The following CNTN5 variants were observed in gnomAD, a reference collection of about 807,000 sequenced individuals.
CNTN5 encodes contactin-5.
Under a neutral mutation model 129.1 loss-of-function variants are expected in CNTN5, and 77 were observed. The ratio of observed to expected loss-of-function variants is 0.60; its 90% confidence interval spans 0.50 to 0.72. CNTN5 has a LOEUF of 0.72. Among genes scored for constraint, CNTN5 ranks in the 30% least tolerant of loss-of-function variants. The pLI is 0.00. For synonymous variants in CNTN5, 509 were observed against 465.6 expected (o/e 1.09, Z -1.20); for missense variants, 1,478 against 1,328.8 (o/e 1.11, Z -1.75).
chr11:99,213,187 T>A (rs1473854559), intron 1 of CNTN5, among the ~76,000 whole-genome samples: 1 of 137,468 alleles, frequency 7.3e-6, no homozygotes, highest in African/African-American at 2.8e-5. Context: ...TGAGACTCCA[T>A]CTCAAAAAAA....
rs1807311 is a variant in CNTN5 at position 100,338,700 on chromosome 11, G to A, written c.2731-1763G>A. Reference sequence around the variant, plus strand: ...CATGTGGGGCCCACAGCCAGAACAGGCACATGTGGATAAATGTAAGATCCT... The same window carrying A: ...CATGTGGGGCCCACAGCCAGAACAGACACATGTGGATAAATGTAAGATCCT... On this transcript the variant is annotated intron_variant, in intron 21 of 24. Coordinates refer to ENST00000524871, the MANE Select transcript of CNTN5 (RefSeq NM_014361.4). Among the ~76,000 whole-genome samples, 3 of 152,284 alleles carry A rather than the reference G, an allele frequency of 2.0e-5. No homozygotes were observed. In the South Asian group the frequency reaches 6.2e-4, roughly 32 times the overall value.
At chr11:99,915,051 T>C (rs1244092226) in intron 6 of CNTN5, among the ~76,000 whole-genome samples, 1 of 152,084 alleles carries the variant, frequency 6.6e-6, no homozygotes, top group East Asian at 1.9e-4. Context: ...TAAAAATCTA[T>C]TTTACAATTT....
At chr11:100,134,108 C>CA (rs1420327495) in intron 13 of CNTN5, among the ~76,000 whole-genome samples, 3 of 151,778 alleles carry the variant, frequency 2.0e-5, no homozygotes, top group Non-Finnish European at 2.9e-5. Flanking sequence ...AATATATCAA[C>CA]AAAAAAAGAT....
intron 6 of CNTN5, among the ~76,000 whole-genome samples, chr11:99,891,681 TG>T (rs1949063614): frequency 1.3e-5 from 2 of 152,176 alleles, no homozygotes; most frequent in South Asian, 4.1e-4. Context: ...TATGGCTGCG[TG>T]GTATTCCTTG....
intron 1 of CNTN5, among the ~76,000 whole-genome samples, chr11:99,130,050 A>G (rs1858851730): frequency 6.6e-6 from 1 of 152,326 alleles, no homozygotes; most frequent in South Asian, 2.1e-4. Context: ...AAGCAATTAC[A>G]TTAACAAGTC....
intron 1 of CNTN5, among the ~76,000 whole-genome samples, chr11:99,297,337 T>A (rs1178172563): frequency 6.6e-6 from 1 of 152,104 alleles, no homozygotes; most frequent in African/African-American, 2.4e-5. Context: ...AGCAGTCCCA[T>A]CATCTCTCAA....
rs552401758 is a variant in CNTN5 at position 100,094,069 on chromosome 11, G to T, written c.1580+19775G>T. On this transcript the variant is annotated intron_variant, in intron 13 of 24. Coordinates refer to ENST00000524871, the MANE Select transcript of CNTN5 (RefSeq NM_014361.4). ...TTTAATAATGGTGGTTAATTACATT[G>T]TTACATCTGACAATGAGAAAAGAAG... Among the ~76,000 whole-genome samples, 4 of 152,124 alleles carry T rather than the reference G, an allele frequency of 2.6e-5. No individual in the cohort carries two copies. In the South Asian group the frequency reaches 8.3e-4, roughly 32 times the overall value.
chr11:100,145,027 G>T (rs1470402271), intron 13 of CNTN5, among the ~76,000 whole-genome samples: 1 of 125,292 alleles, frequency 8.0e-6, no homozygotes, highest in African/African-American at 2.5e-5. Flanking sequence ...TTTCCATTGG[G>T]GTCATATCTT....
intron 2 of CNTN5, among the ~76,000 whole-genome samples, chr11:99,501,601 C>CA (rs1191138841): frequency 1.3e-5 from 2 of 151,788 alleles, no homozygotes; most frequent in African/African-American, 4.8e-5. Flanking sequence ...ATTCTTAGGA[C>CA]AAAAAAAGTT....
intron 2 of CNTN5, among the ~76,000 whole-genome samples, chr11:99,496,462 G>A (rs991203136): frequency 4.6e-5 from 7 of 152,066 alleles, no homozygotes; most frequent in African/African-American, 1.7e-4. Flanking sequence ...TTTTAATATA[G>A]TACTTGACAT....
intron 2 of CNTN5, among the ~76,000 whole-genome samples, chr11:99,523,842 T>C (rs192746844): frequency 4.6e-5 from 7 of 152,100 alleles, no homozygotes; most frequent in Admixed American, 3.3e-4. Flanking sequence ...AAATGCCAAG[T>C]GGTTTCTTTA....
rs192956097 is a variant in CNTN5 at position 99,682,528 on chromosome 11, A to G, written c.55+126259A>G. ...TTCTAAATACCAAAGTAATTTTTTA[A>G]AAGGAGACAATACATTGAGAAACAC... On this transcript the variant is annotated intron_variant, in intron 3 of 24. Transcript: ENST00000524871. 2.0e-5 allele frequency among the ~76,000 whole-genome samples: 3 copies of G among 152,132 alleles called. No individual in the cohort carries two copies. In the East Asian group the frequency reaches 5.8e-4, roughly 29 times the overall value.
chr11:100,350,808 G>T lies in CNTN5; in HGVS notation c.3137G>T (p.Arg1046Leu). 6.2e-7 allele frequency: 1 copy of T among 1,606,708 alleles called. No individual in the cohort carries two copies. Among genetic ancestry groups the T allele is most frequent in the Non-Finnish European group, 8.5e-7 (1 of 1,175,432 alleles). Reference sequence around the variant, plus strand: ...GCTGGAGTCTATATTATTGAAGTTCGAGCATATAGTGAAGGAGGAGATGGA... The same window carrying T: ...GCTGGAGTCTATATTATTGAAGTTCTAGCATATAGTGAAGGAGGAGATGGA... ...PDAGVYIIEV[R>L]AYSEGGDGTA... The change falls in exon 24 of 25, where the codon CGA (arginine) becomes CTA (leucine). Residue 1046 changes from arginine to leucine, a missense_variant. Physicochemically the swap from Arg to Leu is moderately radical, Grantham distance 102 (BLOSUM62 -2). Transcript: ENST00000524871.
At chr11:99,594,124 T>A (rs1950057855) in intron 3 of CNTN5, among the ~76,000 whole-genome samples, 1 of 152,220 alleles carries the variant, frequency 6.6e-6, no homozygotes, top group Non-Finnish European at 1.5e-5. Flanking sequence ...GCATGCTCTA[T>A]CCAGTATTGT....
chr11:99,881,148 G>A (rs762505671), intron 6 of CNTN5, among the ~76,000 whole-genome samples: 1 of 152,282 alleles, frequency 6.6e-6, no homozygotes, highest in Non-Finnish European at 1.5e-5. Context: ...GATTGGTACA[G>A]GTATGATGAG....
At chr11:99,158,132 A>G (rs1860424709) in intron 1 of CNTN5, among the ~76,000 whole-genome samples, 1 of 152,192 alleles carries the variant, frequency 6.6e-6, no homozygotes, top group African/African-American at 2.4e-5. Context: ...TTTTAGAGTC[A>G]TGTACTCACC....
intron 1 of CNTN5, among the ~76,000 whole-genome samples, chr11:99,136,291 A>G (rs975972935): frequency 2.0e-5 from 3 of 152,178 alleles, no homozygotes; most frequent in Non-Finnish European, 4.4e-5. Flanking sequence ...CCCAGATTGT[A>G]TTTCTATCTA....
intron 3 of CNTN5, among the ~76,000 whole-genome samples, chr11:99,714,173 T>C (rs1955121595): frequency 6.6e-6 from 1 of 151,946 alleles, no homozygotes; most frequent in Non-Finnish European, 1.5e-5. Flanking sequence ...TTAATATGGC[T>C]ACACAGAAAT....
intron 1 of CNTN5, among the ~76,000 whole-genome samples, chr11:99,268,980 C>T (rs193222141): frequency 9.5e-4 from 145 of 152,050 alleles, no homozygotes; most frequent in African/African-American, 3.3e-3. Context: ...AGCATTTGAC[C>T]TGTTTTATGC....
Sources: gnomAD v4.1 joint callset for allele counts (sites outside exome capture counted in the v4.1 genomes callset) on GRCh38, gnomAD v4.1.1 for gene constraint, MANE v1.5 for transcripts, NCBI Gene and HGNC (gene_info 2026-07-23, HGNC 2026-07-21) for gene names.